KDM4B: variants seen among roughly 807,000 people sequenced by gnomAD.
KDM4B encodes the protein lysine-specific demethylase 4B.
In KDM4B, 32 loss-of-function variants were observed where a neutral mutation model predicts 125.2. The ratio of observed to expected loss-of-function variants is 0.26; its 90% CI spans 0.19 to 0.34. KDM4B has a LOEUF of 0.34. KDM4B is among the 10% of genes least tolerant of loss of function. The pLI is 1.00. For missense variants in KDM4B, 1,190 were observed against 1,577.7 expected (o/e 0.75, Z 4.16); for synonymous variants, 721 against 677.9 (o/e 1.06, Z -0.99).
intron 6 of KDM4B, chr19:5,070,799 C>T (rs946498328): frequency 6.1e-5 from 32 of 522,152 alleles, no homozygotes; most frequent in Middle Eastern, 3.1e-4. Flanking sequence ...CCTCACTCCC[C>T]GCTCCTCCAC....
intron 21 of KDM4B, among the ~76,000 whole-genome samples, chr19:5,148,709 C>G (rs770090068): frequency 6.6e-6 from 1 of 152,208 alleles, no homozygotes; most frequent in Non-Finnish European, 1.5e-5. Context: ...CTCCAAAACC[C>G]GCTGCTGCCC....
At chr19:5,008,592 T>TTTC (rs2035632547) in intron 1 of KDM4B, among the ~76,000 whole-genome samples, 1 of 125,756 alleles carries the variant, frequency 8.0e-6, no homozygotes, top group African/African-American at 2.8e-5. Context: ...TTTCTTTTTC[T>TTTC]TTTTTTTTTT....
intron 1 of KDM4B, among the ~76,000 whole-genome samples, chr19:4,969,525 G>A (rs2034171200): frequency 6.6e-6 from 1 of 150,436 alleles, no homozygotes. Context: ...GGGCGCGCGG[G>A]GGCTGGGCAC....
rs758310769 is a variant in KDM4B, at chr19:5,131,174, C to A, written c.1414C>A (p.His472Asn). The change falls in exon 12 of 23, where the codon CAC (histidine) becomes AAC (asparagine). Residue 472 changes from histidine to asparagine, a missense_variant. By Grantham distance (68) the His-to-Asn change is moderately conservative. Transcript: ENST00000159111. The part of the protein sequence containing the change: ...LPPQLPPPPA[H>N]FPSEEALWLP... ...CCCACAGCTGCCGCCCCCGCCTGCT[C>A]ACTTCCCCTCAGAGGAGGCGCTGTG... The A allele has an allele frequency of 1.9e-6, 3 of 1,595,546 alleles. No homozygotes were observed. In the East Asian group the frequency reaches 6.7e-5, roughly 36 times the overall value.
At chr19:5,150,527 G>A (rs548655698) in intron 22 of KDM4B, 77 bp downstream of exon 22, 11 of 1,067,450 alleles carry the variant, frequency 1.0e-5, no homozygotes, top group East Asian at 5.3e-5. Flanking sequence ...CACAGACTGC[G>A]TCTTCCAATG....
rs528316128 is a variant in KDM4B, at chr19:5,058,806, C to T, written c.626+11137C>T. ...CTGGCTCGTGTCGCTTGTGAGGCTG[C>T]AGGATTTTTGTTTTAGGGAGGTAGG... On this transcript the variant is annotated intron_variant, in intron 6 of 22. Coordinates refer to ENST00000159111, the MANE Select transcript of KDM4B (RefSeq NM_015015.3). 1.5e-3 allele frequency among the ~76,000 whole-genome samples: 236 copies of T among 152,304 alleles called. 1 individual carries two copies. Among genetic ancestry groups the T allele is most frequent in the African/African-American group, 4.9e-3 (204 of 41,564 alleles).
intron 14 of KDM4B, 57 bp downstream of exon 14, chr19:5,134,118 G>A: frequency 6.6e-7 from 1 of 1,508,236 alleles, no homozygotes; most frequent in Non-Finnish European, 8.9e-7. Context: ...GGTGGGAGAG[G>A]GCGAGGGACC....
In KDM4B at chr19:5,144,868, A is replaced by C. The variant is rs1249723508; in HGVS notation, c.2987A>C (p.Lys996Thr). Reference protein sequence around the residue: ...RWTDGNLYKAKFISSVTSHIY... With the variant: ...RWTDGNLYKATFISSVTSHIY... Reference sequence around the variant, plus strand: ...ACTGACGGCAACCTCTACAAGGCCAAGTTCATCTCCTCCGTCACCAGCCAC... The same window carrying C: ...ACTGACGGCAACCTCTACAAGGCCACGTTCATCTCCTCCGTCACCAGCCAC... Residue 996 changes from lysine to threonine, a missense_variant, in exon 21 of 23, where the codon AAG becomes ACG. This residue lies in a region of KDM4B where 298 missense variants were observed against 439.7 expected (regional missense o/e 0.68). Transcript: ENST00000159111. 6.2e-7 allele frequency: 1 copy of C among 1,612,798 alleles called. No individual in the cohort carries two copies. Among genetic ancestry groups the C allele is most frequent in the South Asian group, 1.1e-5 (1 of 90,930 alleles).
chr19:5,107,073 A>C (rs78272141), intron 9 of KDM4B, among the ~76,000 whole-genome samples: 2,925 of 152,222 alleles, frequency 0.019, 44 homozygotes, highest in Middle Eastern at 0.031. Flanking sequence ...CTGGTCTCGG[A>C]CCTCCACCTG....
intron 10 of KDM4B, among the ~76,000 whole-genome samples, chr19:5,116,235 T>TAAAAAAAAAAA (rs35940660): frequency 2.5e-5 from 1 of 40,382 alleles, no homozygotes; most frequent in African/African-American, 7.9e-5. Flanking sequence ...ACCACATCTC[T>TAAAAAAAAAAA]AAAAAAAAAA....
intron 1 of KDM4B, among the ~76,000 whole-genome samples, chr19:4,975,552 C>T (rs922333106): frequency 3.3e-5 from 5 of 151,214 alleles, no homozygotes; most frequent in Admixed American, 6.6e-5. Context: ...GCTCCTTAGA[C>T]GTGGTGGGTG....
intron 21 of KDM4B, among the ~76,000 whole-genome samples, chr19:5,147,061 C>T (rs145786245): frequency 3.4e-4 from 52 of 152,050 alleles, no homozygotes; most frequent in African/African-American, 1.2e-3. Context: ...CCCCGGGAGC[C>T]TCAGAGTCTG....
chr19:5,149,433 T>G (rs1454108780), intron 21 of KDM4B, among the ~76,000 whole-genome samples: 1 of 152,166 alleles, frequency 6.6e-6, no homozygotes, highest in Non-Finnish European at 1.5e-5. Flanking sequence ...GCCTCCTGGG[T>G]AGCTGGGACC....
chr19:5,008,978 T>C (rs2035649735), intron 1 of KDM4B, among the ~76,000 whole-genome samples: 1 of 146,936 alleles, frequency 6.8e-6, no homozygotes, highest in Non-Finnish European at 1.5e-5. Context: ...TGCAGTGGCA[T>C]GATCTCGGCT....
At chr19:5,101,538 AAAAC>A (rs929758867) in intron 9 of KDM4B, among the ~76,000 whole-genome samples, 18 of 151,926 alleles carry the variant, frequency 1.2e-4, no homozygotes, top group African/African-American at 3.9e-4. Context: ...CTGAAAAAAA[AAAAC>A]AAAACCCCAA....
rs2039752674 is a variant in KDM4B, at chr19:5,142,004, G to T, written c.2551-1963G>T. 6.6e-6 allele frequency among the ~76,000 whole-genome samples: 1 copy of T among 152,222 alleles called. No individual in the cohort carries two copies. The highest frequency in any genetic ancestry group is 2.4e-5 in the African/African-American group (1 of 41,446). ...TCAGGGGTTGGGGTTGTTTGCGAAA[G>T]CAGGTTGGTGGACAGCCACTGCGCC... is the stretch of plus-strand genomic sequence containing the variant. On this transcript the variant is annotated intron_variant, in intron 18 of 22. Transcript: ENST00000159111. The surrounding 1 kb of genome is among the most constrained non-coding windows in gnomAD (Gnocchi z 5.4).
chr19:5,077,670 G>C, intron 8 of KDM4B, 200 bp downstream of exon 8: 1 of 562,822 alleles, frequency 1.8e-6, no homozygotes, highest in African/African-American at 1.9e-5. Context: ...GGCAGAGCTT[G>C]AATCTGGCGG....
At chr19:5,066,101 G>A (rs138568422) in intron 6 of KDM4B, among the ~76,000 whole-genome samples, 4 of 152,336 alleles carry the variant, frequency 2.6e-5, no homozygotes, top group South Asian at 2.1e-4. Flanking sequence ...GTGTCAGGCC[G>A]CGGGGCTCAG....
At chr19:5,047,433 G>A (rs1385389069) in intron 5 of KDM4B, 43 bp from the exon 6 acceptor site, 24 of 1,559,602 alleles carry the variant, frequency 1.5e-5, no homozygotes, top group Admixed American at 3.6e-5. Flanking sequence ...GCAGGTTCTG[G>A]GGGTGGCCGG....
Sources: gnomAD v4.1 joint callset for allele counts (sites outside exome capture counted in the v4.1 genomes callset) on GRCh38, gnomAD v4.1.1 for gene constraint, gnomAD v4.1.1 regional missense constraint, Gnocchi (gnomAD v3.1) non-coding constraint, MANE v1.5 for transcripts, NCBI Gene and HGNC (gene_info 2026-07-23, HGNC 2026-07-21) for gene names.